RAPGEF5: variants seen among roughly 807,000 people sequenced by gnomAD.
RAPGEF5 encodes M-Ras-regulated GEF.
A neutral mutation model predicts 125.2 loss-of-function variants in RAPGEF5; 65 were observed. That is an observed-to-expected ratio of 0.52 (90% CI 0.43 to 0.64). The LOEUF is 0.64. Among genes scored for constraint, RAPGEF5 ranks in the 30% least tolerant of loss-of-function variants. The probability of loss-of-function intolerance (pLI) is 0.00; values close to 1 mark genes in which losing one functional copy is unlikely to be tolerated. For synonymous variants in RAPGEF5, 391 were observed against 385.9 expected (o/e 1.01, Z -0.16); for missense variants, 958 against 1,048.1 (o/e 0.91, Z 1.19).
intron 1 of RAPGEF5, among the ~76,000 whole-genome samples, chr7:22,341,130 A>G (rs1360491065): frequency 1.3e-5 from 2 of 152,224 alleles, no homozygotes; most frequent in African/African-American, 2.4e-5. Context: ...TACAAAAGAA[A>G]TAGGTTTAAT....
chr7:22,284,879 C>A (rs2128145704), intron 6 of RAPGEF5, among the ~76,000 whole-genome samples: 1 of 152,262 alleles, frequency 6.6e-6, no homozygotes, highest in Admixed American at 6.5e-5. Context: ...GATAGAAATT[C>A]ATCACTCAAT....
intron 11 of RAPGEF5, among the ~76,000 whole-genome samples, chr7:22,179,473 C>A (rs1187007242): frequency 6.6e-6 from 1 of 152,158 alleles, no homozygotes; most frequent in East Asian, 1.9e-4. Flanking sequence ...AACCACTTCA[C>A]AGGCTTTTTA....
chr7:22,152,432 C>A (rs1783657752), intron 17 of RAPGEF5, among the ~76,000 whole-genome samples: 1 of 152,182 alleles, frequency 6.6e-6, no homozygotes, highest in African/African-American at 2.4e-5. Flanking sequence ...TTTCTGATAG[C>A]ATTTTTCCAT....
intron 11 of RAPGEF5, among the ~76,000 whole-genome samples, chr7:22,183,716 C>A (rs1240970075): frequency 6.6e-6 from 1 of 152,220 alleles, no homozygotes; most frequent in Non-Finnish European, 1.5e-5. Context: ...TAAGCAGTCA[C>A]ATGCATATGT....
At chr7:22,354,525 T>C (rs1351539025) in intron 1 of RAPGEF5, among the ~76,000 whole-genome samples, 1 of 152,198 alleles carries the variant, frequency 6.6e-6, no homozygotes, top group African/African-American at 2.4e-5. Context: ...TCTCTCTTTC[T>C]TTCAAACCCC....
chr7:22,321,409 A>G (rs999747488), intron 1 of RAPGEF5, among the ~76,000 whole-genome samples: 1 of 152,236 alleles, frequency 6.6e-6, no homozygotes, highest in East Asian at 1.9e-4. Context: ...TATCTTGCTA[A>G]ACAGTGTAAT....
chr7:22,122,397 C>T lies in RAPGEF5; in HGVS notation c.*9G>A, dbSNP rs1782607382. 1.0e-5 allele frequency: 16 copies of T among 1,598,828 alleles called. No individual in the cohort carries two copies. Among genetic ancestry groups the T allele is most frequent in the Middle Eastern group, 1.7e-4 (1 of 5,758 alleles). On this transcript the variant is annotated 3_prime_UTR_variant, in exon 26 of 26. Coordinates refer to ENST00000665637, the MANE Select transcript of RAPGEF5 (RefSeq NM_012294.5). ...TGCTGCAGATACAGGGGAGGTGAGGCAGTGGGGCTCACACCCGAGGCTCGA... is the reference window on the plus strand; with the variant it reads ...TGCTGCAGATACAGGGGAGGTGAGGTAGTGGGGCTCACACCCGAGGCTCGA...
chr7:22,255,848 T>C (rs1360154148), intron 7 of RAPGEF5, among the ~76,000 whole-genome samples: 2 of 152,182 alleles, frequency 1.3e-5, no homozygotes, highest in Admixed American at 1.3e-4. Flanking sequence ...ACAAGTTACA[T>C]ATTTACTCTC....
chr7:22,194,705 T>C (rs1183773420), intron 9 of RAPGEF5: 1 of 985,332 alleles, frequency 1.0e-6, no homozygotes, highest in African/African-American at 1.7e-5. Context: ...ATGCCATGGA[T>C]GACTGCACAG....
chr7:22,334,021 A>C (rs1783978641), intron 1 of RAPGEF5, among the ~76,000 whole-genome samples: 1 of 152,248 alleles, frequency 6.6e-6, no homozygotes, highest in South Asian at 2.1e-4. Flanking sequence ...GCCAAGACAG[A>C]GCGGACAGTG....
intron 15 of RAPGEF5, 110 bp downstream of exon 15, chr7:22,157,741 TTGTC>T: frequency 8.3e-7 from 1 of 1,207,526 alleles, no homozygotes; most frequent in Non-Finnish European, 1.2e-6. Context: ...GCGCCCCGCC[TTGTC>T]GTGTTCTGCT....
chr7:22,318,414 C>T (rs960327712), intron 1 of RAPGEF5, among the ~76,000 whole-genome samples: 15 of 152,204 alleles, frequency 9.9e-5, no homozygotes, highest in African/African-American at 3.6e-4. Context: ...GCTTCAGCTT[C>T]CCAGTGGATT....
At chr7:22,307,507 T>C (rs140322470) in intron 5 of RAPGEF5, among the ~76,000 whole-genome samples, 248 of 152,278 alleles carry the variant, frequency 1.6e-3, no homozygotes, top group African/African-American at 5.7e-3. Context: ...TGGGAGACAA[T>C]TGGTGGAGAC....
In RAPGEF5 at chr7:22,228,013, G is replaced by C. The variant is rs80120528; in HGVS notation, c.870+2833C>G. Reference sequence around the variant, plus strand: ...GTCTGCAAAGATACCATCTGGCAGAGAGTAATGCTGCAACTTGGCCCAGTT... The same window carrying C: ...GTCTGCAAAGATACCATCTGGCAGACAGTAATGCTGCAACTTGGCCCAGTT... On this transcript the variant is annotated intron_variant, in intron 8 of 25. Transcript: ENST00000665637. Among the ~76,000 whole-genome samples, 766 of 152,316 alleles carry C rather than the reference G, an allele frequency of 5.0e-3. 8 individuals carry two copies. Among genetic ancestry groups the C allele is most frequent in the African/African-American group, 0.018 (733 of 41,562 alleles).
rs1357332420 is a variant in RAPGEF5 at position 22,135,106 on chromosome 7, G to A, written c.2416+932C>T. 1.9e-4 allele frequency among the ~76,000 whole-genome samples: 29 copies of A among 152,186 alleles called. 1 individual carries two copies. The highest frequency in any genetic ancestry group is 1.9e-3 in the Admixed American group (29 of 15,278). Reference sequence around the variant, plus strand: ...GTAGACGAGGGGCGTGGTGGCAATGGGAGGAAGTGGGGAATGAGGATGGCC... The same window carrying A: ...GTAGACGAGGGGCGTGGTGGCAATGAGAGGAAGTGGGGAATGAGGATGGCC... On this transcript the variant is annotated intron_variant, in intron 23 of 25. Transcript: ENST00000665637.
At chr7:22,292,811 C>T (rs1782963887) in intron 5 of RAPGEF5, among the ~76,000 whole-genome samples, 1 of 152,156 alleles carries the variant, frequency 6.6e-6, no homozygotes, top group South Asian at 2.1e-4. Flanking sequence ...TTCTCAGACC[C>T]CAACAGACAC....
chr7:22,221,534 T>C (rs1002792131), intron 8 of RAPGEF5, among the ~76,000 whole-genome samples: 4 of 152,138 alleles, frequency 2.6e-5, no homozygotes, highest in Non-Finnish European at 5.9e-5. Context: ...GTTCCCATAA[T>C]CCCCACATGT....
At position 22,332,127 on chromosome 7, in the gene RAPGEF5, T is replaced by A. The variant is rs530352175; in HGVS notation, c.232-14090A>T. Among the ~76,000 whole-genome samples, 92 of 152,168 alleles carry A rather than the reference T, an allele frequency of 6.0e-4. 1 individual carries two copies. The highest frequency in any genetic ancestry group is 2.0e-3 in the African/African-American group (83 of 41,528). On this transcript the variant is annotated intron_variant, in intron 1 of 25. Transcript: ENST00000665637. Reference sequence around the variant, plus strand: ...TATGACAATTAAAAGCAAAAAAAAATTTTAACTATATTTGACAGATTCTGA... The same window carrying A: ...TATGACAATTAAAAGCAAAAAAAAAATTTAACTATATTTGACAGATTCTGA...
intron 11 of RAPGEF5, among the ~76,000 whole-genome samples, chr7:22,172,851 CA>C (rs1218892550): frequency 2.6e-5 from 4 of 152,138 alleles, no homozygotes; most frequent in Admixed American, 6.5e-5. Flanking sequence ...CACTCATAAG[CA>C]AAATGCACTG....
Sources: gnomAD v4.1 joint callset for allele counts (sites outside exome capture counted in the v4.1 genomes callset) on GRCh38, gnomAD v4.1.1 for gene constraint, MANE v1.5 for transcripts, NCBI Gene and HGNC (gene_info 2026-07-23, HGNC 2026-07-21) for gene names.